DAPK1: variants seen among roughly 807,000 people sequenced by gnomAD.
DAPK1 encodes death-associated protein kinase 1.
In DAPK1, 56 loss-of-function variants were observed where a neutral mutation model predicts 144.9. That is an observed-to-expected ratio of 0.39 (90% CI 0.31 to 0.48). The LOEUF is 0.48. Ranked by LOEUF, DAPK1 falls within the 20% of genes least tolerant of loss-of-function variation. DAPK1 has a pLI of 0.95. For synonymous variants in DAPK1, 690 were observed against 749.0 expected, an observed-to-expected ratio of 0.92 and a Z score of 1.29; for missense variants, 1,454 against 1,875.4, an observed-to-expected ratio of 0.78 and a Z score of 4.15.
intron 17 of DAPK1, chr9:87,657,784 G>T: frequency 2.0e-6 from 1 of 504,060 alleles, no homozygotes; most frequent in Admixed American, 3.3e-5. Flanking sequence ...GGCCAGCACA[G>T]CAGGAAACTT....
chr9:87,516,927 T>G (rs941197804), intron 2 of DAPK1, among the ~76,000 whole-genome samples: 1 of 152,046 alleles, frequency 6.6e-6, no homozygotes, highest in Non-Finnish European at 1.5e-5. Flanking sequence ...GTACGTACTA[T>G]CTGGCAGCAG....
rs898888867 is a variant in DAPK1 at position 87,681,738 on chromosome 9, G to A, written c.2224+112G>A. On this transcript the variant is annotated intron_variant, in intron 20 of 25. Coordinates refer to ENST00000408954, the MANE Select transcript of DAPK1 (RefSeq NM_004938.4). ...GTGTTTGGGTCACTTGGCCTATACT[G>A]GACCCTGTGGCCTTAGTGGTTTTCA... is the stretch of plus-strand genomic sequence containing the variant. The A allele has an allele frequency of 4.2e-6, 3 of 707,702 alleles. No individual in the cohort carries two copies. In the African/African-American group the frequency reaches 5.2e-5, roughly 12 times the overall value. 43.8% of individuals were successfully genotyped at this position (707,702 alleles called of 1,614,324 possible).
At chr9:87,624,932 C>T (rs951737353) in intron 3 of DAPK1, among the ~76,000 whole-genome samples, 1 of 152,170 alleles carries the variant, frequency 6.6e-6, no homozygotes, top group Non-Finnish European at 1.5e-5. Flanking sequence ...ACTGTGCAGG[C>T]CACAGCGTGG....
chr9:87,643,340 G>A (rs752767168), intron 10 of DAPK1, 36 bp from the exon 11 acceptor site: 183 of 1,196,196 alleles, frequency 1.5e-4, no homozygotes, highest in Admixed American at 5.8e-4. Context: ...TTTCCTCCCC[G>A]CCCTCCCTTT....
At chr9:87,649,588 A>G (rs992574620) in intron 15 of DAPK1, among the ~76,000 whole-genome samples, 6 of 152,342 alleles carry the variant, frequency 3.9e-5, no homozygotes, top group South Asian at 2.1e-4. Context: ...CGAAGGCTCT[A>G]TTGTTCAGAC....
intron 23 of DAPK1, among the ~76,000 whole-genome samples, chr9:87,699,317 T>C (rs1301748762): frequency 6.6e-6 from 1 of 152,224 alleles, no homozygotes; most frequent in Admixed American, 6.5e-5. Context: ...CAGTACTCAG[T>C]ATTCAGTGTT....
intron 3 of DAPK1, among the ~76,000 whole-genome samples, chr9:87,634,788 C>T (rs1829832344): frequency 6.6e-6 from 1 of 152,170 alleles, no homozygotes; most frequent in African/African-American, 2.4e-5. Flanking sequence ...CGGTCCCTGA[C>T]ATCACGTGGG....
At position 87,594,496 on chromosome 9, in the gene DAPK1, C is replaced by T. The variant is rs558061366; in HGVS notation, c.63-10458C>T. On this transcript the variant is annotated intron_variant, in intron 2 of 25. Coordinates refer to ENST00000408954, the MANE Select transcript of DAPK1 (RefSeq NM_004938.4). The stretch of plus-strand genomic sequence containing the variant: ...TATCTGAAGCATGTAGGATTCACTA[C>T]GGCAGTGAGTCCCAGAAAGTGAAGG... Among the ~76,000 whole-genome samples, 12 of 152,310 alleles carry T rather than the reference C, an allele frequency of 7.9e-5. No homozygotes were observed. The South Asian group carries it at 1.4e-3, about 18-fold the overall frequency.
chr9:87,647,245 T>C lies in DAPK1; in HGVS notation c.1231-60T>C, dbSNP rs577113122. 5 of 1,297,006 alleles carry C rather than the reference T, an allele frequency of 3.9e-6. No individual in the cohort carries two copies. The African/African-American group carries it at 4.4e-5, about 11-fold the overall frequency. 80.3% of individuals were successfully genotyped at this position (1,297,006 alleles called of 1,614,324 possible). ...GGGAAATAACAGTGAGTCTGAGGAA[T>C]GCATGCATCTGGTGCTGTCAGCTCC... is the stretch of plus-strand genomic sequence containing the variant. On this transcript the variant is annotated intron_variant, in intron 13 of 25. Coordinates refer to ENST00000408954, the MANE Select transcript of DAPK1 (RefSeq NM_004938.4).
At chr9:87,534,728 T>A (rs1316007729) in intron 2 of DAPK1, among the ~76,000 whole-genome samples, 4 of 151,610 alleles carry the variant, frequency 2.6e-5, no homozygotes, top group African/African-American at 9.7e-5. Flanking sequence ...CACTGCAACC[T>A]CCGCCTCCCA....
intron 21 of DAPK1, among the ~76,000 whole-genome samples, chr9:87,696,243 G>A (rs1389582795): frequency 6.6e-6 from 1 of 152,006 alleles, no homozygotes; most frequent in Non-Finnish European, 1.5e-5. Flanking sequence ...TGTGTGTGTA[G>A]CACTCCAGGG....
chr9:87,654,132 TGCTTTTAG>T (rs1383853904), intron 17 of DAPK1, among the ~76,000 whole-genome samples: 1 of 152,210 alleles, frequency 6.6e-6, no homozygotes, highest in Admixed American at 6.5e-5. Context: ...AAAATAACTG[TGCTTTTAG>T]GTTCATAAAA....
chr9:87,699,889 A>G (rs1825399947), intron 23 of DAPK1, among the ~76,000 whole-genome samples: 1 of 152,106 alleles, frequency 6.6e-6, no homozygotes. Context: ...TGCAAACCTG[A>G]AGGTCCCGCT....
Position 87,571,506 on chromosome 9 carries a change from C to CCCCA in DAPK1, c.63-33448_63-33447insCCCA, listed in dbSNP as rs1564001062. 5.5e-5 allele frequency among the ~76,000 whole-genome samples: 8 copies of CCCCA among 145,440 alleles called. 1 individual carries two copies. Among genetic ancestry groups the CCCCA allele is most frequent in the African/African-American group, 1.3e-4 (5 of 38,844 alleles). On this transcript the variant is annotated intron_variant, in intron 2 of 25. Coordinates refer to ENST00000408954, the MANE Select transcript of DAPK1 (RefSeq NM_004938.4). ...ACACACACACACACCCCAACACACA[C>CCCCA]ACACACACACACACACACACACCAG... is the stretch of plus-strand genomic sequence containing the variant.
intron 19 of DAPK1, among the ~76,000 whole-genome samples, chr9:87,670,569 G>A (rs910579683): frequency 5.3e-5 from 8 of 152,136 alleles, no homozygotes; most frequent in Non-Finnish European, 1.0e-4. Context: ...TCCACACAGA[G>A]AGGCTGCAAA....
intron 11 of DAPK1, 138 bp downstream of exon 11, chr9:87,643,606 T>C (rs187299410): frequency 5.8e-4 from 355 of 610,606 alleles, no homozygotes; most frequent in Middle Eastern, 3.3e-3. Context: ...CTCGGAGGGG[T>C]TTGGGGGTGC....
intron 3 of DAPK1, among the ~76,000 whole-genome samples, chr9:87,625,299 T>C (rs926307777): frequency 2.6e-5 from 4 of 152,232 alleles, no homozygotes; most frequent in Admixed American, 6.5e-5. Context: ...TACAGGCAGA[T>C]GCTGTGCCTT....
chr9:87,603,770 G>C (rs1828611668), intron 2 of DAPK1, among the ~76,000 whole-genome samples: 1 of 152,136 alleles, frequency 6.6e-6, no homozygotes, highest in East Asian at 1.9e-4. Context: ...GGGGCCGGGA[G>C]GGTCTTTCCG....
intron 3 of DAPK1, among the ~76,000 whole-genome samples, chr9:87,613,144 G>T (rs1285953592): frequency 6.6e-6 from 1 of 152,208 alleles, no homozygotes; most frequent in Admixed American, 6.5e-5. Context: ...TTGTAGCCAA[G>T]TGCAGGGCGT....
Sources: allele counts gnomAD v4.1 joint callset (sites outside exome capture counted in the v4.1 genomes callset), GRCh38; gene constraint gnomAD v4.1.1; transcripts MANE v1.5; gene names NCBI Gene and HGNC (gene_info 2026-07-23, HGNC 2026-07-21).